COL5A1: variants seen among roughly 807,000 people sequenced by gnomAD.
The protein encoded by COL5A1 is collagen alpha-1(V) chain.
In COL5A1, 16 loss-of-function variants were observed where a neutral mutation model predicts 263.7. That is an observed-to-expected ratio of 0.06 (90% CI 0.04 to 0.09). The LOEUF (loss-of-function observed/expected upper bound fraction) is 0.09, where lower values mean the gene tolerates loss of function less well. Ranked by LOEUF, COL5A1 falls within the 10% of genes least tolerant of loss-of-function variation. The pLI is 1.00. For missense variants in COL5A1, 2,036 were observed against 2,540.5 expected, an observed-to-expected ratio of 0.80 and a Z score of 4.27; for synonymous variants, 1,012 against 1,004.5, an observed-to-expected ratio of 1.01 and a Z score of -0.14.
In COL5A1 at chr9:134,818,315, C is replaced by G. The variant is rs927355655; in HGVS notation, c.4231-341C>G. 2.0e-5 allele frequency among the ~76,000 whole-genome samples: 3 copies of G among 152,182 alleles called. No homozygotes were observed. Among genetic ancestry groups the G allele is most frequent in the Admixed American group, 2.0e-4 (3 of 15,288 alleles). Reference sequence around the variant, plus strand: ...TTCTGTCAGTGAGGTGATGGCGGCCCGGCCTGGCACTGTCTGCCTCCCTCC... The same window carrying G: ...TTCTGTCAGTGAGGTGATGGCGGCCGGGCCTGGCACTGTCTGCCTCCCTCC... On this transcript the variant is annotated intron_variant, in intron 54 of 65. Coordinates refer to ENST00000371817, the MANE Select transcript of COL5A1 (RefSeq NM_000093.5). This position sits in a 1 kb window ranked among gnomAD's most constrained non-coding sequence, Gnocchi z 6.0.
chr9:134,733,993 G>T (rs147345474), intron 9 of COL5A1, among the ~76,000 whole-genome samples: 2,100 of 152,272 alleles, frequency 0.014, 27 homozygotes, highest in South Asian at 0.042. Flanking sequence ...ATCCCAGTTC[G>T]GTTTCCCCTC....
At chr9:134,790,781 T>C (rs2132789750) in intron 32 of COL5A1, among the ~76,000 whole-genome samples, 1 of 151,916 alleles carries the variant, frequency 6.6e-6, no homozygotes, top group Non-Finnish European at 1.5e-5. Context: ...TCTTCTGAAA[T>C]ACTCTTAGGT....
At chr9:134,832,221 C>T (rs145574781) in intron 64 of COL5A1, among the ~76,000 whole-genome samples, 152 of 152,226 alleles carry the variant, frequency 1.0e-3, no homozygotes, top group African/African-American at 3.3e-3. Context: ...GCCTGGCCAA[C>T]GTGGCAAAAC....
intron 11 of COL5A1, among the ~76,000 whole-genome samples, chr9:134,747,670 T>C (rs1240120087): frequency 1.4e-5 from 2 of 145,672 alleles, no homozygotes; most frequent in Admixed American, 1.4e-4. Context: ...CATGCACACA[T>C]GTATTCATAC....
chr9:134,655,572 G>T (rs1019853889), intron 1 of COL5A1, among the ~76,000 whole-genome samples: 2 of 152,108 alleles, frequency 1.3e-5, no homozygotes, highest in Non-Finnish European at 2.9e-5. Context: ...TGTGTAAACT[G>T]CTAGGACCAC....
intron 14 of COL5A1, among the ~76,000 whole-genome samples, 187 bp from the exon 15 acceptor site, chr9:134,753,663 C>T (rs551352278): frequency 5.3e-5 from 8 of 152,320 alleles, no homozygotes; most frequent in African/African-American, 1.4e-4. Flanking sequence ...CTGCATTTCC[C>T]GGCTCCTGGA....
At chr9:134,658,505 C>T (rs1451104814) in intron 1 of COL5A1, among the ~76,000 whole-genome samples, 1 of 152,220 alleles carries the variant, frequency 6.6e-6, no homozygotes, top group Non-Finnish European at 1.5e-5. Flanking sequence ...CGCCCTGGGC[C>T]CCTTCACATG....
chr9:134,825,976 G>C (rs77666725), intron 63 of COL5A1, 72 bp downstream of exon 63: 1 of 958,406 alleles, frequency 1.0e-6, no homozygotes, highest in African/African-American at 1.6e-5. Context: ...AGGGCTTCAA[G>C]CATTTCTTGT....
chr9:134,648,542 C>G (rs1183238354), intron 1 of COL5A1, among the ~76,000 whole-genome samples: 1 of 152,010 alleles, frequency 6.6e-6, no homozygotes, highest in Non-Finnish European at 1.5e-5. Context: ...CTCACTTTCC[C>G]CATCTGTAAG....
At chr9:134,829,831 C>T (rs182421679) in intron 63 of COL5A1, 145 bp from the exon 64 acceptor site, 38 of 860,508 alleles carry the variant, frequency 4.4e-5, no homozygotes, top group Middle Eastern at 3.4e-4. Context: ...GCACTGAAGG[C>T]GCTCGGTGGG....
rs1839000146 is a variant in COL5A1, at chr9:134,821,535, C to T, written c.4555-562C>T. Among the ~76,000 whole-genome samples the T allele has an allele frequency of 1.3e-5, 2 of 152,128 alleles. No homozygotes were observed. Among genetic ancestry groups the T allele is most frequent in the African/African-American group, 2.4e-5 (1 of 41,434 alleles). ...TCCAGCTGCCCGTGGCAAAGCTGGT[C>T]AAAGCTGTTCTGTGCCAGCAGCTCA... On this transcript the variant is annotated intron_variant, in intron 58 of 65. Transcript: ENST00000371817. The surrounding 1 kb of genome is among the most constrained non-coding windows in gnomAD (Gnocchi z 4.2).
At chr9:134,840,100 C>T (rs1013118933) in intron 65 of COL5A1, among the ~76,000 whole-genome samples, 2 of 152,264 alleles carry the variant, frequency 1.3e-5, no homozygotes, top group African/African-American at 4.8e-5. Flanking sequence ...TTGTCTGAGA[C>T]ACCCATTTTT....
intron 58 of COL5A1, 103 bp downstream of exon 58, chr9:134,820,326 G>A (rs941324406): frequency 2.0e-5 from 18 of 885,092 alleles, no homozygotes; most frequent in African/African-American, 5.0e-5. Context: ...CCGGAAGGAC[G>A]TCCACACGTC....
At chr9:134,655,790 T>A (rs1042605851) in intron 1 of COL5A1, among the ~76,000 whole-genome samples, 3 of 152,078 alleles carry the variant, frequency 2.0e-5, no homozygotes, top group Admixed American at 6.5e-5. Flanking sequence ...GAGGGTGCCA[T>A]GGGTGCTGTG....
chr9:134,679,635 TTA>T (rs1564382157), intron 1 of COL5A1, among the ~76,000 whole-genome samples: 1 of 76,850 alleles, frequency 1.3e-5, no homozygotes, highest in African/African-American at 5.7e-5. Context: ...GCGGGGCTTC[TTA>T]GGGGGCACTG....
At chr9:134,721,938 A>C (rs1168033666) in intron 4 of COL5A1, among the ~76,000 whole-genome samples, 1 of 152,082 alleles carries the variant, frequency 6.6e-6, no homozygotes, top group Non-Finnish European at 1.5e-5. Flanking sequence ...GGCTGGAAAG[A>C]GCCCTGGGCC....
intron 27 of COL5A1, among the ~76,000 whole-genome samples, 174 bp from the exon 28 acceptor site, chr9:134,779,928 C>G (rs77928388): frequency 6.6e-6 from 1 of 152,060 alleles, no homozygotes; most frequent in Non-Finnish European, 1.5e-5. Flanking sequence ...ATTGTGGACA[C>G]GCTGGGCCTC....
intron 9 of COL5A1, among the ~76,000 whole-genome samples, chr9:134,734,580 G>A (rs1588484439): frequency 6.6e-6 from 1 of 152,252 alleles, no homozygotes; most frequent in Non-Finnish European, 1.5e-5. Flanking sequence ...CTCCCTCTTG[G>A]GAGATGCATC....
At chr9:134,817,004 C>T (rs768099793) in intron 52 of COL5A1, 22 bp from the exon 53 acceptor site, 38 of 1,612,692 alleles carry the variant, frequency 2.4e-5, no homozygotes, top group Non-Finnish European at 3.1e-5. Context: ...TCCTCACACT[C>T]TGTTCTTTCT....
Sources: allele counts gnomAD v4.1 joint callset (sites outside exome capture counted in the v4.1 genomes callset), GRCh38; gene constraint gnomAD v4.1.1; non-coding constraint Gnocchi (gnomAD v3.1); transcripts MANE v1.5; gene names NCBI Gene and HGNC (gene_info 2026-07-23, HGNC 2026-07-21).